Variants in STARD9 observed in about 807,000 individuals in gnomAD.
STARD9 encodes the protein stAR-related lipid transfer protein 9.
Under a neutral mutation model 399.8 loss-of-function variants are expected in STARD9, and 346 were observed. That is an observed-to-expected ratio of 0.87 (90% CI 0.79 to 0.95). The LOEUF (loss-of-function observed/expected upper bound fraction) is 0.95, where lower values mean the gene tolerates loss of function less well. Among genes scored for constraint, STARD9 ranks in the 40% least tolerant of loss-of-function variants. STARD9 has a pLI of 0.00. For missense variants in STARD9, 5,832 were observed against 5,667.5 expected, an observed-to-expected ratio of 1.03 and a Z score of -0.93; for synonymous variants, 2,203 against 2,143.5, an observed-to-expected ratio of 1.03 and a Z score of -0.77.
At chr15:42,648,457 C>T (rs2059689561) in intron 7 of STARD9, among the ~76,000 whole-genome samples, 1 of 152,150 alleles carries the variant, frequency 6.6e-6, no homozygotes. Flanking sequence ...GCCCCCATAC[C>T]CAGCCTGCTT....
At position 42,612,348 on chromosome 15, in the gene STARD9, C is replaced by T. The variant is rs555684054; in HGVS notation, c.235-22508C>T. ...CACCTAAGAACATGAGTCTTAGGCT[C>T]ATGCTAAAAATGCTTACCTTTGCTT... On this transcript the variant is annotated intron_variant, in intron 3 of 32. Coordinates refer to ENST00000290607, the MANE Select transcript of STARD9 (RefSeq NM_020759.3). Among the ~76,000 whole-genome samples, 19 of 152,172 alleles carry T rather than the reference C, an allele frequency of 1.2e-4. 1 individual carries two copies. Among genetic ancestry groups the T allele is most frequent in the Admixed American group, 3.3e-4 (5 of 15,284 alleles).
At chr15:42,614,862 G>A (rs2058925264) in intron 3 of STARD9, among the ~76,000 whole-genome samples, 1 of 152,070 alleles carries the variant, frequency 6.6e-6, no homozygotes. Context: ...CTACTCGGGA[G>A]GCTGAGGCGG....
intron 3 of STARD9, among the ~76,000 whole-genome samples, chr15:42,608,208 T>C (rs2058775868): frequency 6.6e-6 from 1 of 152,126 alleles, no homozygotes; most frequent in Non-Finnish European, 1.5e-5. Flanking sequence ...CTTGTGACTC[T>C]GGCATGCAGC....
intron 7 of STARD9, among the ~76,000 whole-genome samples, chr15:42,648,926 A>C (rs2141980839): frequency 6.6e-6 from 1 of 152,138 alleles, no homozygotes; most frequent in East Asian, 1.9e-4. Context: ...ATTAGACATG[A>C]AGTCTTGCTA....
chr15:42,644,110 A>T (rs895574757), intron 7 of STARD9, among the ~76,000 whole-genome samples: 1 of 152,264 alleles, frequency 6.6e-6, no homozygotes, highest in Non-Finnish European at 1.5e-5. Context: ...AAATCAAAAT[A>T]AAAACACAAA....
chr15:42,618,754 G>A (rs1036463093), intron 3 of STARD9, among the ~76,000 whole-genome samples: 2 of 151,628 alleles, frequency 1.3e-5, no homozygotes, highest in East Asian at 1.9e-4. Context: ...GCACCAGCAC[G>A]CCTGGCTAAT....
At chr15:42,613,741 G>A (rs2058901302) in intron 3 of STARD9, among the ~76,000 whole-genome samples, 1 of 152,080 alleles carries the variant, frequency 6.6e-6, no homozygotes, top group South Asian at 2.1e-4. Flanking sequence ...GAGGCGGGTG[G>A]ATCATCTGAG....
rs1406981849 is a variant in STARD9, at chr15:42,583,459, A to G, written c.117+44A>G. 13 of 1,415,024 alleles carry G rather than the reference A, an allele frequency of 9.2e-6. No homozygotes were observed. In the African/African-American group the frequency reaches 1.7e-4, roughly 19 times the overall value. The allele number at this position is 1,415,024 out of a possible 1,614,324, so 87.7% of individuals were successfully genotyped here. On this transcript the variant is annotated intron_variant, in intron 2 of 32. Coordinates refer to ENST00000290607, the MANE Select transcript of STARD9 (RefSeq NM_020759.3). ...TTCATTTTCTTTCCACTGAGGAGCT[A>G]ATATTGTTACAGGGGCTTCCAGGCT...
intron 7 of STARD9, among the ~76,000 whole-genome samples, chr15:42,646,654 T>G (rs2059651308): frequency 6.6e-6 from 1 of 152,370 alleles, no homozygotes; most frequent in Non-Finnish European, 1.5e-5. Flanking sequence ...AAAAACTTTC[T>G]TCATATCAGC....
chr15:42,662,433 G>A (rs528862557), intron 10 of STARD9, among the ~76,000 whole-genome samples: 2 of 152,084 alleles, frequency 1.3e-5, no homozygotes, highest in East Asian at 3.9e-4. Flanking sequence ...GTCAGCTAAC[G>A]GCACAAATAC....
intron 7 of STARD9, among the ~76,000 whole-genome samples, chr15:42,644,028 T>C (rs2059597059): frequency 6.6e-6 from 1 of 152,228 alleles, no homozygotes; most frequent in African/African-American, 2.4e-5. Context: ...TAAAACAACA[T>C]GTATACAGAC....
intron 3 of STARD9, among the ~76,000 whole-genome samples, chr15:42,611,740 A>G (rs556860024): frequency 5.3e-5 from 8 of 152,308 alleles, no homozygotes; most frequent in Admixed American, 5.2e-4. Flanking sequence ...TTTTCAGGAT[A>G]CAAGGACGAG....
chr15:42,577,959 AG>A (rs2141636107), intron 1 of STARD9, among the ~76,000 whole-genome samples: 2 of 152,314 alleles, frequency 1.3e-5, no homozygotes, highest in South Asian at 4.1e-4. Context: ...TTGTTTTTCC[AG>A]ATGACAGAAT....
At chr15:42,695,593 C>A in intron 25 of STARD9, 150 bp from the exon 26 acceptor site, 2 of 892,202 alleles carry the variant, frequency 2.2e-6, no homozygotes, top group Non-Finnish European at 3.3e-6. Context: ...GAAGCCAGGG[C>A]ATGTGAGGCT....
chr15:42,603,372 C>T (rs1273323541), intron 3 of STARD9, among the ~76,000 whole-genome samples: 2 of 151,994 alleles, frequency 1.3e-5, no homozygotes, highest in Non-Finnish European at 2.9e-5. Flanking sequence ...CTCTCAGCCT[C>T]CCAAAGTGCT....
chr15:42,677,954 C>T (rs1367976356), intron 20 of STARD9, among the ~76,000 whole-genome samples: 1 of 152,186 alleles, frequency 6.6e-6, no homozygotes, highest in African/African-American at 2.4e-5. Flanking sequence ...GGCTCTCTAG[C>T]CCCACAGGCA....
At chr15:42,615,600 G>T (rs1398346557) in intron 3 of STARD9, among the ~76,000 whole-genome samples, 1 of 151,190 alleles carries the variant, frequency 6.6e-6, no homozygotes. Context: ...ATAAAAATGT[G>T]TGTGTTTATG....
At position 42,686,121 on chromosome 15, in the gene STARD9, G is replaced by A. The variant is rs1228616980; in HGVS notation, c.4543G>A (p.Glu1515Lys). ...APKPAYPYLE[E>K]DSGSLAQASS... ...CAAGCCAGCTTACCCCTACCTTGAG[G>A]AAGACTCTGGTTCCCTGGCCCAAGC... Residue 1515 changes from glutamate to lysine, a missense_variant, in exon 23 of 33, where the codon GAA becomes AAA. Transcript: ENST00000290607. 1 of 1,537,284 alleles carries A rather than the reference G, an allele frequency of 6.5e-7. No individual in the cohort carries two copies. The highest frequency in any genetic ancestry group is 8.7e-7 in the Non-Finnish European group (1 of 1,146,916).
Position 42,691,622 on chromosome 15 carries a change from A to G in STARD9, c.10044A>G (p.Thr3348=). 2 of 1,537,212 alleles carry G rather than the reference A, an allele frequency of 1.3e-6. No individual in the cohort carries two copies. Among genetic ancestry groups the G allele is most frequent in the Non-Finnish European group, 1.7e-6 (2 of 1,146,908 alleles). The change falls in exon 23 of 33, where the codon ACA becomes ACG. Residue 3348 remains threonine, a synonymous_variant. Coordinates refer to ENST00000290607, the MANE Select transcript of STARD9 (RefSeq NM_020759.3). ...TGAGTGTGGAGCCTCCTTCCCCTACAGACGAAGATACACAGGGGCCTAACA... is the reference window on the plus strand; with the variant it reads ...TGAGTGTGGAGCCTCCTTCCCCTACGGACGAAGATACACAGGGGCCTAACA... ...LNLSVEPPSP[T]DEDTQGPNRL...
Sources: gnomAD v4.1 joint callset for allele counts (sites outside exome capture counted in the v4.1 genomes callset) on GRCh38, gnomAD v4.1.1 for gene constraint, MANE v1.5 for transcripts, NCBI Gene and HGNC (gene_info 2026-07-23, HGNC 2026-07-21) for gene names.